BICRA: variants seen among roughly 807,000 people sequenced by gnomAD.
BICRA encodes BRD4 interacting chromatin remodeling complex associated protein.
In BICRA, 31 loss-of-function variants were observed where a neutral mutation model predicts 96.9. The observed-to-expected ratio is 0.32, with a 90% confidence interval of 0.24 to 0.43. The LOEUF is 0.43. BICRA is among the 20% of genes least tolerant of loss of function. BICRA has a pLI of 1.00. For missense variants in BICRA, 2,283 were observed against 2,190.3 expected (o/e 1.04, Z -0.84); for synonymous variants, 1,350 against 1,071.8 (o/e 1.26, Z -5.07).
Position 47,675,744 on chromosome 19 carries a change from C to T in BICRA, c.85-107C>T. The T allele has an allele frequency of 1.2e-6, 1 of 859,196 alleles. No individual in the cohort carries two copies. Among genetic ancestry groups the T allele is most frequent in the Non-Finnish European group, 1.9e-6 (1 of 516,142 alleles). The allele number at this position is 859,196 out of a possible 1,614,324, so 53.2% of individuals were successfully genotyped here. A position where few individuals can be genotyped will look rare whatever the true frequency, so the allele number is the denominator to read the frequency against. ...TCCCATACCCCCAGCCCTCTCCCAT[C>T]CCAACCCTTGTCTTTTTGTCCTGAG... On this transcript the variant is annotated intron_variant, in intron 4 of 14. Transcript: ENST00000594866. This position sits in a 1 kb window ranked among gnomAD's most constrained non-coding sequence, Gnocchi z 4.7.
intron 1 of BICRA, among the ~76,000 whole-genome samples, chr19:47,651,766 G>A (rs1170095548): frequency 1.3e-5 from 2 of 152,204 alleles, no homozygotes; most frequent in African/African-American, 2.4e-5. Flanking sequence ...CAACGAGCAC[G>A]AGAGGGTTGG....
chr19:47,640,766 A>G (rs1040860742), intron 1 of BICRA, among the ~76,000 whole-genome samples: 5 of 152,152 alleles, frequency 3.3e-5, no homozygotes, highest in Admixed American at 1.3e-4. Flanking sequence ...AAGCCCTGTC[A>G]GGGTTCCTAG....
chr19:47,614,720 G>T (rs1164541618), intron 1 of BICRA, among the ~76,000 whole-genome samples: 1 of 152,192 alleles, frequency 6.6e-6, no homozygotes, highest in Non-Finnish European at 1.5e-5. Context: ...CTCCCTGGGA[G>T]ACCCTACCAA....
chr19:47,687,416 T>C (rs1279357303), intron 7 of BICRA, among the ~76,000 whole-genome samples: 1 of 152,210 alleles, frequency 6.6e-6, no homozygotes, highest in East Asian at 1.9e-4. Flanking sequence ...TTTTGTGATA[T>C]GGACATACCA....
chr19:47,684,841 G>A (rs2123594177), intron 7 of BICRA, among the ~76,000 whole-genome samples: 1 of 152,176 alleles, frequency 6.6e-6, no homozygotes, highest in African/African-American at 2.4e-5. Flanking sequence ...CTGCTTAGTG[G>A]AGCTCTCTGA....
intron 1 of BICRA, among the ~76,000 whole-genome samples, chr19:47,652,324 C>T (rs1465042764): frequency 6.6e-6 from 1 of 152,114 alleles, no homozygotes; most frequent in Admixed American, 6.6e-5. Flanking sequence ...TAGTTGCAAT[C>T]AGAGGCATGT....
chr19:47,696,645 TA>T, intron 11 of BICRA, 133 bp downstream of exon 11: 2 of 751,272 alleles, frequency 2.7e-6, no homozygotes, highest in Non-Finnish European at 4.3e-6. Flanking sequence ...GGTAGCGATG[TA>T]GTTCCCTCAT....
intron 7 of BICRA, among the ~76,000 whole-genome samples, chr19:47,688,320 T>C (rs1200709121): frequency 2.6e-5 from 4 of 152,118 alleles, no homozygotes; most frequent in Non-Finnish European, 4.4e-5. Context: ...AATCCACTCA[T>C]ATGTTAGTTT....
chr19:47,637,541 C>T (rs1972317812), intron 1 of BICRA, among the ~76,000 whole-genome samples: 1 of 152,196 alleles, frequency 6.6e-6, no homozygotes, highest in Non-Finnish European at 1.5e-5. Flanking sequence ...TGTTGAGACA[C>T]ATAATTCACA....
At chr19:47,614,241 G>A (rs1971952005) in intron 1 of BICRA, among the ~76,000 whole-genome samples, 1 of 152,068 alleles carries the variant, frequency 6.6e-6, no homozygotes, top group African/African-American at 2.4e-5. Context: ...AGAATCCCTG[G>A]TCCCCTAGCT....
rs1599850713 is a variant in BICRA at position 47,681,159 on chromosome 19, C to T, written c.1989C>T (p.Thr663=). 1 of 1,518,574 alleles carries T rather than the reference C, an allele frequency of 6.6e-7. No homozygotes were observed. Among genetic ancestry groups the T allele is most frequent in the Non-Finnish European group, 8.8e-7 (1 of 1,132,018 alleles). The allele number at this position is 1,518,574 out of a possible 1,614,324, so 94.1% of individuals were successfully genotyped here. Residue 663 remains threonine, a synonymous_variant, in exon 6 of 15, where the codon ACC becomes ACT. Coordinates refer to ENST00000594866, the MANE Select transcript of BICRA (RefSeq NM_001394372.1). The part of the protein sequence containing the change: ...PQAAAPPQAT[T]PQPSPGLASS... Reference sequence around the variant, plus strand: ...CCGCCGCCCCGCCTCAGGCCACCACCCCCCAGCCCAGCCCTGGCCTGGCGT... The same window carrying T: ...CCGCCGCCCCGCCTCAGGCCACCACTCCCCAGCCCAGCCCTGGCCTGGCGT...
chr19:47,629,977 T>C (rs1423916549), intron 1 of BICRA, among the ~76,000 whole-genome samples: 1 of 151,788 alleles, frequency 6.6e-6, no homozygotes, highest in Non-Finnish European at 1.5e-5. Flanking sequence ...TTTAGCTCTT[T>C]TTAAGTGTAT....
At chr19:47,632,915 CAG>C (rs1337673924) in intron 1 of BICRA, among the ~76,000 whole-genome samples, 1 of 152,030 alleles carries the variant, frequency 6.6e-6, no homozygotes, top group East Asian at 1.9e-4. Flanking sequence ...TAAATGACAG[CAG>C]AGTCTGCCTC....
chr19:47,623,542 T>A (rs1015915445), intron 1 of BICRA, among the ~76,000 whole-genome samples: 2 of 152,198 alleles, frequency 1.3e-5, no homozygotes, highest in Non-Finnish European at 2.9e-5. Flanking sequence ...TTCCTACTGC[T>A]TGGACTGTGG....
At chr19:47,615,061 C>T (rs1040748806) in intron 1 of BICRA, among the ~76,000 whole-genome samples, 2 of 152,198 alleles carry the variant, frequency 1.3e-5, no homozygotes, top group African/African-American at 4.8e-5. Flanking sequence ...CTTTTCACTG[C>T]AGCATTATCC....
intron 1 of BICRA, among the ~76,000 whole-genome samples, chr19:47,611,263 C>G (rs1025466446): frequency 6.6e-6 from 1 of 151,756 alleles, no homozygotes; most frequent in Non-Finnish European, 1.5e-5. Flanking sequence ...TTAGAAGAAG[C>G]GGCCAGATTT....
chr19:47,654,141 C>T (rs992012051), intron 1 of BICRA, among the ~76,000 whole-genome samples: 6 of 152,202 alleles, frequency 3.9e-5, no homozygotes, highest in Admixed American at 2.0e-4. Flanking sequence ...CAACCTTTTA[C>T]AGTCCTACCG....
chr19:47,638,258 T>G (rs1289878419), intron 1 of BICRA, among the ~76,000 whole-genome samples: 1 of 152,164 alleles, frequency 6.6e-6, no homozygotes, highest in Non-Finnish European at 1.5e-5. Flanking sequence ...CAGCCTGCCC[T>G]GAACACTGGC....
Position 47,694,650 on chromosome 19 carries a change from C to T in BICRA, c.2819C>T (p.Pro940Leu). 1 of 1,595,094 alleles carries T rather than the reference C, an allele frequency of 6.3e-7. No homozygotes were observed. The highest frequency in any genetic ancestry group is 8.6e-7 in the Non-Finnish European group (1 of 1,164,710). The change falls in exon 8 of 15, where the codon CCT (proline) becomes CTT (leucine). Residue 940 changes from proline to leucine, a missense_variant. Physicochemically the swap from Pro to Leu is moderately conservative, Grantham distance 98. Transcript: ENST00000594866. ...PEPAAPPPPP[P>L]RTFQMVTTPF... is the part of the protein sequence containing the mutation. Reference sequence around the variant, plus strand: ...CCGGCAGCACCCCCCCCACCGCCTCCTCGGACCTTCCAGATGGTGACCACC... The same window carrying T: ...CCGGCAGCACCCCCCCCACCGCCTCTTCGGACCTTCCAGATGGTGACCACC...
Sources: gnomAD v4.1 joint callset for allele counts (sites outside exome capture counted in the v4.1 genomes callset) on GRCh38, gnomAD v4.1.1 for gene constraint, Gnocchi (gnomAD v3.1) non-coding constraint, MANE v1.5 for transcripts, NCBI Gene and HGNC (gene_info 2026-07-23, HGNC 2026-07-21) for gene names.